CEP170: variants seen among roughly 807,000 people sequenced by gnomAD.
CEP170 encodes centrosomal protein of 170 kDa.
CEP170 carries 21 observed loss-of-function variants against 151.9 expected under a neutral mutation model. The observed-to-expected ratio is 0.14, with a 90% CI of 0.10 to 0.20. CEP170 has a LOEUF of 0.20. Ranked by LOEUF, CEP170 falls within the 10% of genes least tolerant of loss-of-function variation. The pLI is 1.00. For synonymous variants in CEP170, 356 were observed against 648.8 expected, an observed-to-expected ratio of 0.55 and a Z score of 6.86; for missense variants, 964 against 1,892.9, an observed-to-expected ratio of 0.51 and a Z score of 9.11.
At chr1:243,243,323 G>A (rs1258825067) in intron 1 of CEP170, among the ~76,000 whole-genome samples, 3 of 152,184 alleles carry the variant, frequency 2.0e-5, no homozygotes, top group African/African-American at 7.2e-5. Flanking sequence ...TGTAGGTAAA[G>A]AAGGGTAGGG....
At position 243,225,243 on chromosome 1, in the gene CEP170, C is replaced by T; in HGVS notation, c.38G>A (p.Gly13Asp). Residue 13 changes from glycine (G) to aspartate (D), a missense_variant, in exon 2 of 20, where the codon GGC (glycine) becomes GAC (aspartate). Coordinates refer to ENST00000366542, the MANE Select transcript of CEP170 (RefSeq NM_014812.3). ...LTSWFLVSSGGTRHRLPREMI... is the reference protein window; with the variant it reads ...LTSWFLVSSGDTRHRLPREMI... ...TTCTCGTGGCAGCCTGTGGCGAGTG[C>T]CTCCACTGCTCACCAAAAACCAGGA... 1 of 1,596,526 alleles carries T rather than the reference C, an allele frequency of 6.3e-7. No homozygotes were observed. The highest frequency in any genetic ancestry group is 8.5e-7 in the Non-Finnish European group (1 of 1,172,292).
At chr1:243,183,382 T>C (rs373500532) in intron 10 of CEP170, among the ~76,000 whole-genome samples, 1 of 152,050 alleles carries the variant, frequency 6.6e-6, no homozygotes, top group South Asian at 2.1e-4. Flanking sequence ...AACCTCAAAA[T>C]GGAGAAACTG....
intron 1 of CEP170, among the ~76,000 whole-genome samples, chr1:243,237,548 AG>A (rs2064363741): frequency 1.3e-5 from 2 of 152,194 alleles, no homozygotes; most frequent in Non-Finnish European, 2.9e-5. Context: ...ATGCTGGAAA[AG>A]AAAATTTTAA....
chr1:243,173,735 C>T (rs1045179331), intron 10 of CEP170, among the ~76,000 whole-genome samples: 2 of 72,734 alleles, frequency 2.7e-5, no homozygotes, highest in Non-Finnish European at 6.6e-5. Context: ...GACCCTGTTT[C>T]AAAAAAAAAA....
Position 243,165,706 on chromosome 1 carries a change from C to T in CEP170, c.2254G>A (p.Glu752Lys), listed in dbSNP as rs1333798629. ...GTCCACTGAGCCTCCTCCCTTTGTT[C>T]TTGTTGTTGAAGTTTTGCTAATGTT... ...KQTLAKLQQQ[E>K]QREEAQWTPT... is the part of the protein sequence containing the mutation. Residue 752 changes from glutamate (E) to lysine (K), a missense_variant, in exon 13 of 20, where the codon GAA becomes AAA. Physicochemically the swap from Glu to Lys is moderately conservative, Grantham distance 56. Transcript: ENST00000366542. 1 of 1,613,942 alleles carries T rather than the reference C, an allele frequency of 6.2e-7. No homozygotes were observed. Among genetic ancestry groups the T allele is most frequent in the Non-Finnish European group, 8.5e-7 (1 of 1,179,910 alleles).
chr1:243,175,849 T>C (rs924491622), intron 10 of CEP170, among the ~76,000 whole-genome samples: 1 of 152,156 alleles, frequency 6.6e-6, no homozygotes, highest in African/African-American at 2.4e-5. Flanking sequence ...CAGGCCGGAG[T>C]GCAGTGGCGC....
chr1:243,197,961 G>A (rs1463173150), intron 7 of CEP170, among the ~76,000 whole-genome samples: 1 of 152,116 alleles, frequency 6.6e-6, no homozygotes, highest in East Asian at 1.9e-4. Context: ...AGTTGATAAC[G>A]CTCGCTTTTC....
intron 10 of CEP170, among the ~76,000 whole-genome samples, chr1:243,179,088 A>G (rs569379535): frequency 1.3e-5 from 2 of 152,086 alleles, no homozygotes; most frequent in East Asian, 3.9e-4. Flanking sequence ...CTCTTAACCT[A>G]CCTTGTGTCC....
chr1:243,229,327 G>T (rs1483906627), intron 1 of CEP170, among the ~76,000 whole-genome samples: 3 of 152,070 alleles, frequency 2.0e-5, no homozygotes, highest in African/African-American at 7.2e-5. Context: ...TTTTGAATAG[G>T]CTTTCTGAAT....
intron 2 of CEP170, 44 bp from the exon 3 acceptor site, chr1:243,221,857 A>G (rs751403398): frequency 6.5e-7 from 1 of 1,531,070 alleles, no homozygotes; most frequent in East Asian, 2.4e-5. Flanking sequence ...AAAATACTAG[A>G]ATAAATACCA....
chr1:243,228,768 T>A (rs1395570196), intron 1 of CEP170, among the ~76,000 whole-genome samples: 1 of 152,226 alleles, frequency 6.6e-6, no homozygotes, highest in African/African-American at 2.4e-5. Flanking sequence ...GCATTATTCA[T>A]ATGCTCTAAT....
intron 10 of CEP170, among the ~76,000 whole-genome samples, chr1:243,178,295 C>A (rs530320729): frequency 1.8e-5 from 2 of 112,938 alleles, no homozygotes; most frequent in Non-Finnish European, 3.2e-5. Context: ...GGCAACAGAG[C>A]GAGACTCTGC....
intron 13 of CEP170, among the ~76,000 whole-genome samples, chr1:243,161,945 T>C (rs1343929491): frequency 6.6e-6 from 1 of 152,196 alleles, no homozygotes; most frequent in African/African-American, 2.4e-5. Flanking sequence ...TTGACCACCT[T>C]TTCCATACAG....
At chr1:243,212,126 A>G (rs1210526382) in intron 3 of CEP170, among the ~76,000 whole-genome samples, 162 bp from the exon 4 acceptor site, 2 of 152,218 alleles carry the variant, frequency 1.3e-5, no homozygotes, top group Non-Finnish European at 2.9e-5. Context: ...AGGCTGATAA[A>G]TGATTTTATA....
intron 3 of CEP170, among the ~76,000 whole-genome samples, chr1:243,214,280 G>GTTTTTTTTTT (rs758433258): frequency 9.9e-6 from 1 of 100,546 alleles, no homozygotes; most frequent in Non-Finnish European, 1.9e-5. Flanking sequence ...AAGCTGTAAA[G>GTTTTTTTTTT]TTTTTTTTTT....
chr1:243,173,729 C>T (rs1318556650), intron 10 of CEP170, among the ~76,000 whole-genome samples: 4 of 142,708 alleles, frequency 2.8e-5, no homozygotes, highest in Non-Finnish European at 4.5e-5. Context: ...AAGTGAGACC[C>T]TGTTTCAAAA....
chr1:243,226,881 C>T (rs1217738130), intron 1 of CEP170, among the ~76,000 whole-genome samples: 2 of 152,026 alleles, frequency 1.3e-5, no homozygotes, highest in African/African-American at 4.8e-5. Flanking sequence ...CCCAGCTACT[C>T]GGGAGGGTGA....
intron 4 of CEP170, among the ~76,000 whole-genome samples, chr1:243,209,036 C>T (rs1248167636): frequency 3.3e-5 from 5 of 152,092 alleles, no homozygotes; most frequent in African/African-American, 9.7e-5. Flanking sequence ...TATGAGTTTA[C>T]GGTCATTTTA....
chr1:243,235,269 G>C (rs1226398152), intron 1 of CEP170, among the ~76,000 whole-genome samples: 1 of 152,054 alleles, frequency 6.6e-6, no homozygotes, highest in African/African-American at 2.4e-5. Context: ...AGGCCGGGGT[G>C]GTCTACGGAA....
Sources: allele counts gnomAD v4.1 joint callset (sites outside exome capture counted in the v4.1 genomes callset), GRCh38; gene constraint gnomAD v4.1.1; transcripts MANE v1.5; gene names NCBI Gene and HGNC (gene_info 2026-07-23, HGNC 2026-07-21).